The following ABTB3 variants were observed in gnomAD, a reference collection of about 807,000 sequenced individuals.
ABTB3 encodes the protein ankyrin repeat and BTB domain containing 3.
chr12:107,503,297 A>G, the ABTB3 span, among the ~76,000 whole-genome samples: 2 of 152,116 alleles, frequency 1.3e-5, no homozygotes, highest in Non-Finnish European at 2.9e-5. Context: ...CCCCATAGAC[A>G]TGGTGGCTGG....
the ABTB3 span, among the ~76,000 whole-genome samples, chr12:107,592,532 C>T: frequency 3.3e-5 from 5 of 152,056 alleles, no homozygotes; most frequent in Non-Finnish European, 5.9e-5. Context: ...TGTGTTCATT[C>T]GATGGAAAAC....
At chr12:107,456,361 C>A in the ABTB3 span, among the ~76,000 whole-genome samples, 9 of 152,346 alleles carry the variant, frequency 5.9e-5, no homozygotes, top group South Asian at 1.9e-3. Flanking sequence ...TATTTATAGT[C>A]GTTTCCCGTT....
the ABTB3 span, among the ~76,000 whole-genome samples, chr12:107,613,835 G>C: frequency 6.6e-6 from 1 of 152,128 alleles, no homozygotes; most frequent in African/African-American, 2.4e-5. Flanking sequence ...TTCAAAATTA[G>C]ATGCCCGTGC....
chr12:107,616,296 C>A, the ABTB3 span, among the ~76,000 whole-genome samples: 1 of 152,196 alleles, frequency 6.6e-6, no homozygotes, highest in Non-Finnish European at 1.5e-5. Flanking sequence ...GCAGGGCCAG[C>A]GATCACGGAG....
At chr12:107,382,658 GA>G in the ABTB3 span, among the ~76,000 whole-genome samples, 5 of 151,768 alleles carry the variant, frequency 3.3e-5, no homozygotes, top group African/African-American at 1.2e-4. Flanking sequence ...ACTAACAAAC[GA>G]ACAGAAAACC....
the ABTB3 span, among the ~76,000 whole-genome samples, chr12:107,414,267 C>T: frequency 2.6e-5 from 4 of 152,118 alleles, no homozygotes; most frequent in South Asian, 8.3e-4. Flanking sequence ...GTGGGGGCTC[C>T]GAATACACTG....
At chr12:107,464,204 AGAGTGT>A in the ABTB3 span, among the ~76,000 whole-genome samples, 2 of 129,048 alleles carry the variant, frequency 1.5e-5, no homozygotes, top group African/African-American at 5.9e-5. Context: ...AAACATGTGA[AGAGTGT>A]GTGTGTGTGT....
At chr12:107,569,242 G>A in the ABTB3 span, among the ~76,000 whole-genome samples, 3 of 152,108 alleles carry the variant, frequency 2.0e-5, no homozygotes, top group Non-Finnish European at 4.4e-5. Context: ...TTTCTGGTTT[G>A]GGTTGTGGAA....
the ABTB3 span, among the ~76,000 whole-genome samples, chr12:107,651,346 T>G: frequency 6.6e-6 from 1 of 152,170 alleles, no homozygotes. Context: ...CACCTTGATA[T>G]CCATCTTGCT....
chr12:107,515,710 A>AG, the ABTB3 span, among the ~76,000 whole-genome samples: 1 of 152,152 alleles, frequency 6.6e-6, no homozygotes, highest in Non-Finnish European at 1.5e-5. Flanking sequence ...ATGGCTGTCA[A>AG]GGGAGAGGCA....
chr12:107,384,357 G>A, the ABTB3 span, among the ~76,000 whole-genome samples: 7 of 152,266 alleles, frequency 4.6e-5, no homozygotes, highest in South Asian at 2.1e-4. Context: ...CATTTCTAAC[G>A]AGGAGCAAGA....
the ABTB3 span, among the ~76,000 whole-genome samples, chr12:107,578,972 G>A: frequency 5.9e-5 from 9 of 152,230 alleles, no homozygotes; most frequent in South Asian, 2.1e-4. Flanking sequence ...GGCGGGAGCC[G>A]TGATCCAAGA....
the ABTB3 span, chr12:107,615,302 T>G: frequency 1.5e-6 from 1 of 647,434 alleles, no homozygotes; most frequent in Non-Finnish European, 2.7e-6. Context: ...ATTCATATCA[T>G]GTGAATACAA....
the ABTB3 span, among the ~76,000 whole-genome samples, chr12:107,620,481 A>G: frequency 3.3e-5 from 5 of 152,048 alleles, no homozygotes; most frequent in African/African-American, 1.2e-4. Context: ...AACAGTTGGT[A>G]CAACAGTATT....
At chr12:107,489,865 CG>C in the ABTB3 span, among the ~76,000 whole-genome samples, 2 of 151,864 alleles carry the variant, frequency 1.3e-5, no homozygotes, top group African/African-American at 4.8e-5. Context: ...TGGGCTCAAG[CG>C]ACCCTCAGCC....
At chr12:107,557,118 G>A in the ABTB3 span, among the ~76,000 whole-genome samples, 2 of 152,264 alleles carry the variant, frequency 1.3e-5, no homozygotes, top group East Asian at 3.9e-4. Flanking sequence ...GTGATACGTT[G>A]CTTAACAATG....
the ABTB3 span, among the ~76,000 whole-genome samples, chr12:107,626,851 T>C: frequency 1.3e-5 from 2 of 152,078 alleles, no homozygotes; most frequent in Admixed American, 6.5e-5. Flanking sequence ...AACTACCAAA[T>C]AGACATAGGA....
At chr12:107,497,261 C>T in the ABTB3 span, among the ~76,000 whole-genome samples, 1 of 141,646 alleles carries the variant, frequency 7.1e-6, no homozygotes, top group Admixed American at 7.0e-5. Flanking sequence ...ATCATCACCA[C>T]CACCATCCCC....
chr12:107,412,714 T>G, the ABTB3 span, among the ~76,000 whole-genome samples: 1 of 151,708 alleles, frequency 6.6e-6, no homozygotes, highest in African/African-American at 2.4e-5. Context: ...TGGGGTGAGG[T>G]GGGAGGAAGG....
Sources: gnomAD v4.1 joint callset for allele counts (sites outside exome capture counted in the v4.1 genomes callset) on GRCh38, gnomAD v4.1.1 for gene constraint, MANE v1.5 for transcripts, NCBI Gene and HGNC (gene_info 2026-07-23, HGNC 2026-07-21) for gene names.